The following RFX4 variants were observed in gnomAD, a reference collection of about 807,000 sequenced individuals.
RFX4 encodes the protein regulatory factor X4, also known as transcription factor RFX4.
In RFX4, 10 loss-of-function variants were observed where a neutral mutation model predicts 95.0. The observed-to-expected ratio is 0.11, with a 90% confidence interval of 0.06 to 0.18. The LOEUF (loss-of-function observed/expected upper bound fraction) is 0.18. Ranked by LOEUF, RFX4 falls within the 10% of genes least tolerant of loss-of-function variation. The probability of loss-of-function intolerance (pLI) is 1.00; values close to 1 mark genes in which losing one functional copy is unlikely to be tolerated. For synonymous variants in RFX4, 321 were observed against 340.7 expected (o/e 0.94, Z 0.64); for missense variants, 640 against 922.0 (o/e 0.69, Z 3.96).
chr12:106,694,591 A>C (rs189159617), intron 7 of RFX4, among the ~76,000 whole-genome samples: 2 of 152,320 alleles, frequency 1.3e-5, no homozygotes, highest in Non-Finnish European at 2.9e-5. Flanking sequence ...TAAGGCAGAC[A>C]TAGGCTCTAT....
chr12:106,754,706 T>C (rs150887650), intron 17 of RFX4, among the ~76,000 whole-genome samples: 2 of 152,214 alleles, frequency 1.3e-5, no homozygotes, highest in East Asian at 1.9e-4. Flanking sequence ...CTGGTCTTAA[T>C]AGAATGGCCC....
chr12:106,691,911 C>G (rs2137435957), intron 7 of RFX4, among the ~76,000 whole-genome samples: 1 of 152,294 alleles, frequency 6.6e-6, no homozygotes, highest in Admixed American at 6.5e-5. Flanking sequence ...GTAATCCCAG[C>G]ACTTTGGGAG....
At chr12:106,608,679 T>G (rs550802201) in intron 1 of RFX4, 118 bp from the exon 2 acceptor site, 1 of 938,210 alleles carries the variant, frequency 1.1e-6, no homozygotes, top group South Asian at 1.8e-5. Context: ...TGAATATTGA[T>G]GAGCATTTAA....
chr12:106,705,160 T>C (rs2042060296), intron 8 of RFX4, among the ~76,000 whole-genome samples: 1 of 152,216 alleles, frequency 6.6e-6, no homozygotes, highest in African/African-American at 2.4e-5. Flanking sequence ...TATGTACTTC[T>C]AGGGCTGAGG....
chr12:106,631,257 T>C (rs1352774361), intron 2 of RFX4, among the ~76,000 whole-genome samples: 2 of 152,192 alleles, frequency 1.3e-5, no homozygotes, highest in South Asian at 2.1e-4. Context: ...TGAAATCAGA[T>C]GGGAAGGCTC....
intron 1 of RFX4, among the ~76,000 whole-genome samples, chr12:106,606,560 A>C (rs2039837793): frequency 1.3e-5 from 2 of 152,224 alleles, no homozygotes; most frequent in African/African-American, 4.8e-5. Context: ...TACCTTGTGC[A>C]TCCCAGCTTT....
chr12:106,653,599 G>A (rs76382537), intron 3 of RFX4, among the ~76,000 whole-genome samples: 2,271 of 152,296 alleles, frequency 0.015, 66 homozygotes, highest in African/African-American at 0.052. Context: ...TCACTAAGAA[G>A]GTGATGGGTA....
At position 106,586,017 on chromosome 12, in the gene RFX4, G is replaced by A. The variant is rs76520643; in HGVS notation, c.43+2654G>A. Reference sequence around the variant, plus strand: ...GGTTTCCCCAAAATACTCAACAAGTGTGGAGCTAAGACAATGGCCCGGTCG... The same window carrying A: ...GGTTTCCCCAAAATACTCAACAAGTATGGAGCTAAGACAATGGCCCGGTCG... On this transcript the variant is annotated intron_variant, in intron 1 of 17. Coordinates refer to ENST00000392842, the MANE Select transcript of RFX4 (RefSeq NM_213594.3). This position sits in a 1 kb window ranked among gnomAD's most constrained non-coding sequence, Gnocchi z 5.6. 5.8e-3 allele frequency: 877 copies of A among 152,366 alleles called. 7 individuals are homozygous for A. Among genetic ancestry groups the A allele is most frequent in the Non-Finnish European group, 9.3e-3 (635 of 68,058 alleles). 9.4% of individuals were successfully genotyped at this position (152,366 alleles called of 1,614,324 possible).
At chr12:106,738,531 G>C (rs142875596) in intron 15 of RFX4, among the ~76,000 whole-genome samples, 11 of 152,300 alleles carry the variant, frequency 7.2e-5, no homozygotes, top group African/African-American at 2.6e-4. Flanking sequence ...ATGTGTTCAA[G>C]AGCCATAAAC....
intron 10 of RFX4, 101 bp from the exon 11 acceptor site, chr12:106,715,299 C>T: frequency 4.3e-6 from 6 of 1,379,530 alleles, no homozygotes; most frequent in Non-Finnish European, 5.8e-6. Context: ...GGGTAGTTTG[C>T]AAAATACCAT....
At chr12:106,757,647 A>G (rs1159996281) in intron 17 of RFX4, among the ~76,000 whole-genome samples, 1 of 151,996 alleles carries the variant, frequency 6.6e-6, no homozygotes, top group East Asian at 1.9e-4. Flanking sequence ...GCTAGGGGTG[A>G]GCCCTCTGGC....
intron 1 of RFX4, among the ~76,000 whole-genome samples, chr12:106,584,932 T>C (rs76548303): frequency 0.016 from 2,387 of 152,282 alleles, 60 homozygotes; most frequent in African/African-American, 0.055. Flanking sequence ...CTGCCCTGCG[T>C]GCCTCTCCGG....
chr12:106,717,326 A>G (rs529911819), intron 11 of RFX4, among the ~76,000 whole-genome samples: 9 of 152,332 alleles, frequency 5.9e-5, no homozygotes, highest in African/African-American at 2.2e-4. Context: ...TTCCCGCCTC[A>G]GCTCCTTTCA....
chr12:106,642,031 A>C (rs140360841), intron 3 of RFX4, among the ~76,000 whole-genome samples: 3,049 of 122,372 alleles, frequency 0.025, 54 homozygotes, highest in Non-Finnish European at 0.034. Flanking sequence ...ATTTTTTGAG[A>C]TGGAGTTTTG....
intron 4 of RFX4, among the ~76,000 whole-genome samples, chr12:106,666,212 C>A (rs1360759422): frequency 6.6e-6 from 1 of 151,916 alleles, no homozygotes; most frequent in Admixed American, 6.6e-5. Context: ...TCACTCTCTT[C>A]TTGTTTACAT....
chr12:106,631,004 AT>A (rs1339944074), intron 2 of RFX4, among the ~76,000 whole-genome samples: 2 of 152,152 alleles, frequency 1.3e-5, no homozygotes, highest in Non-Finnish European at 2.9e-5. Flanking sequence ...CCTCAGACAA[AT>A]TCCTTCACTT....
intron 1 of RFX4, among the ~76,000 whole-genome samples, chr12:106,594,927 G>A (rs1488584127): frequency 6.6e-6 from 1 of 152,186 alleles, no homozygotes. Flanking sequence ...GAGGATGGGA[G>A]GCAAGGAAGA....
chr12:106,643,925 T>A (rs947673222), intron 3 of RFX4, among the ~76,000 whole-genome samples: 3 of 152,228 alleles, frequency 2.0e-5, no homozygotes, highest in African/African-American at 7.2e-5. Context: ...TGTGCACTTG[T>A]GTGTATACAT....
At chr12:106,702,340 A>C (rs1277367981) in intron 8 of RFX4, among the ~76,000 whole-genome samples, 1 of 152,128 alleles carries the variant, frequency 6.6e-6, no homozygotes, top group Non-Finnish European at 1.5e-5. Context: ...TCTGAATATG[A>C]GTTGAGGCAG....
Sources: allele counts gnomAD v4.1 joint callset (sites outside exome capture counted in the v4.1 genomes callset), GRCh38; gene constraint gnomAD v4.1.1; non-coding constraint Gnocchi (gnomAD v3.1); transcripts MANE v1.5; gene names NCBI Gene and HGNC (gene_info 2026-07-23, HGNC 2026-07-21).